Variants in CTNNB1 observed in about 807,000 individuals in gnomAD.
CTNNB1 encodes the protein catenin beta-1.
Under a neutral mutation model 82.5 loss-of-function variants are expected in CTNNB1, and 6 were observed. The ratio of observed to expected loss-of-function variants is 0.07; its 90% CI spans 0.04 to 0.14. The LOEUF (loss-of-function observed/expected upper bound fraction) is 0.14. Ranked by LOEUF, CTNNB1 falls within the 10% of genes least tolerant of loss-of-function variation. The pLI, the probability that CTNNB1 is intolerant of heterozygous loss-of-function variation, is 1.00. For missense variants in CTNNB1, 529 were observed against 980.4 expected, an observed-to-expected ratio of 0.54 and a Z score of 6.15; for synonymous variants, 312 against 329.7, an observed-to-expected ratio of 0.95 and a Z score of 0.58.
At chr3:41,207,212 C>A (rs2077669393) in intron 1 of CTNNB1, among the ~76,000 whole-genome samples, 1 of 152,018 alleles carries the variant, frequency 6.6e-6, no homozygotes, top group African/African-American at 2.4e-5. Flanking sequence ...GCCAGAAGAT[C>A]AGGGGTCACC....
chr3:41,222,818 A>C (rs895305874), intron 1 of CTNNB1, among the ~76,000 whole-genome samples: 4 of 152,366 alleles, frequency 2.6e-5, no homozygotes, highest in African/African-American at 9.6e-5. Context: ...GGAGAAGCTC[A>C]GTGTAGAACA....
chr3:41,227,619 A>T (rs1346867560), intron 7 of CTNNB1, among the ~76,000 whole-genome samples: 2 of 152,176 alleles, frequency 1.3e-5, no homozygotes, highest in East Asian at 3.8e-4. Context: ...GTTTTGAGTA[A>T]ACCTAAGATT....
chr3:41,202,733 T>G (rs915027652), intron 1 of CTNNB1, among the ~76,000 whole-genome samples: 2 of 152,192 alleles, frequency 1.3e-5, no homozygotes, highest in African/African-American at 4.8e-5. Context: ...AATACTCAGG[T>G]TTCACAAAAG....
Position 41,225,091 on chromosome 3 carries a change from G to A in CTNNB1, c.379G>A (p.Glu127Lys), listed in dbSNP as rs2125620518. 6.2e-7 allele frequency: 1 copy of A among 1,614,102 alleles called. No homozygotes were observed. Among genetic ancestry groups the A allele is most frequent in the Non-Finnish European group, 8.5e-7 (1 of 1,179,992 alleles). ...AHPTNVQRLAEPSQMLKHAVV... is the reference protein window; with the variant it reads ...AHPTNVQRLAKPSQMLKHAVV... ...TCCCACTAATGTCCAGCGTTTGGCT[G>A]AACCATCACAGATGCTGAAACATGC... Residue 127 changes from glutamate (E) to lysine (K), a missense_variant, in exon 4 of 15, where the codon GAA (glutamate) becomes AAA (lysine). This residue lies in a region of CTNNB1 where 411 missense variants were observed against 776.4 expected (regional missense o/e 0.53). Coordinates refer to ENST00000349496, the MANE Select transcript of CTNNB1 (RefSeq NM_001904.4). The surrounding 1 kb of genome is among the most constrained non-coding windows in gnomAD (Gnocchi z 5.3).
chr3:41,202,004 A>G (rs577673163), intron 1 of CTNNB1, among the ~76,000 whole-genome samples: 1 of 152,302 alleles, frequency 6.6e-6, no homozygotes, highest in African/African-American at 2.4e-5. Flanking sequence ...AAACTATTGC[A>G]GATACTCGTT....
At chr3:41,214,597 C>T (rs1474175856) in intron 1 of CTNNB1, among the ~76,000 whole-genome samples, 1 of 152,044 alleles carries the variant, frequency 6.6e-6, no homozygotes, top group Non-Finnish European at 1.5e-5. Flanking sequence ...CATATTAACC[C>T]ACTTAAAAAC....
chr3:41,227,173 C>G (rs774897540), intron 6 of CTNNB1, 35 bp from the exon 7 acceptor site: 5 of 1,564,522 alleles, frequency 3.2e-6, no homozygotes, highest in South Asian at 1.1e-5. Context: ...ATCAAGATTC[C>G]TTGACTAACA....
chr3:41,204,093 G>GT (rs796356811), intron 1 of CTNNB1, among the ~76,000 whole-genome samples: 3,756 of 143,480 alleles, frequency 0.026, 65 homozygotes, highest in Non-Finnish European at 0.034. Flanking sequence ...TATAGTTAGG[G>GT]TTTTTTTTTT....
intron 1 of CTNNB1, among the ~76,000 whole-genome samples, chr3:41,202,275 A>AGTAGGTGGT (rs1287398043): frequency 2.0e-5 from 3 of 152,118 alleles, no homozygotes; most frequent in Non-Finnish European, 4.4e-5. Context: ...ATTGTAGATG[A>AGTAGGTGGT]GTAGGTGGTA....
At chr3:41,211,429 T>G (rs1335087957) in intron 1 of CTNNB1, among the ~76,000 whole-genome samples, 1 of 152,206 alleles carries the variant, frequency 6.6e-6, no homozygotes, top group African/African-American at 2.4e-5. Context: ...TGTGCAGGTT[T>G]GTTAGAAAGA....
intron 14 of CTNNB1, among the ~76,000 whole-genome samples, chr3:41,238,631 G>A (rs1264534768): frequency 6.6e-6 from 1 of 152,286 alleles, no homozygotes; most frequent in African/African-American, 2.4e-5. Context: ...GAAATAACAT[G>A]TCAACCCTAA....
chr3:41,202,383 C>G (rs537168394), intron 1 of CTNNB1, among the ~76,000 whole-genome samples: 1 of 152,300 alleles, frequency 6.6e-6, no homozygotes, highest in South Asian at 2.1e-4. Context: ...AAACTTCTAA[C>G]AAAAGGTATT....
At chr3:41,217,337 TA>T (rs1040423015) in intron 1 of CTNNB1, among the ~76,000 whole-genome samples, 19 of 152,236 alleles carry the variant, frequency 1.2e-4, no homozygotes, top group African/African-American at 4.3e-4. Context: ...AATTTTCTTT[TA>T]AATTGCTTAA....
intron 1 of CTNNB1, among the ~76,000 whole-genome samples, chr3:41,223,038 T>C (rs765077900): frequency 2.0e-5 from 3 of 152,086 alleles, no homozygotes; most frequent in Non-Finnish European, 4.4e-5. Flanking sequence ...ACCTCTGCAC[T>C]CCAGCCTGGT....
At chr3:41,215,533 C>CT (rs915431336) in intron 1 of CTNNB1, among the ~76,000 whole-genome samples, 15 of 151,972 alleles carry the variant, frequency 9.9e-5, no homozygotes, top group African/African-American at 3.6e-4. Context: ...TATTTAAGAG[C>CT]TTAATATATG....
chr3:41,209,767 G>T (rs907258560), intron 1 of CTNNB1, among the ~76,000 whole-genome samples: 2 of 152,096 alleles, frequency 1.3e-5, no homozygotes, highest in Non-Finnish European at 2.9e-5. Context: ...AAAAAATATG[G>T]TATCAAAAAT....
chr3:41,202,079 A>G (rs1055879902), intron 1 of CTNNB1, among the ~76,000 whole-genome samples: 19 of 152,228 alleles, frequency 1.2e-4, no homozygotes, highest in Admixed American at 9.2e-4. Flanking sequence ...GATGTAGAGA[A>G]TTAAAAGTTT....
In CTNNB1 at chr3:41,224,092, T is replaced by C. The variant is rs374922164; in HGVS notation, c.13+11T>C. 1 of 1,613,648 alleles carries C rather than the reference T, an allele frequency of 6.2e-7. No individual in the cohort carries two copies. Among genetic ancestry groups the C allele is most frequent in the African/African-American group, 1.3e-5 (1 of 74,898 alleles). ...CAATGGCTACTCAAGGTTTGTGTCA[T>C]TAAATCTTTAGTTACTGAATTGGGG... On this transcript the variant is annotated intron_variant, in intron 2 of 14. Transcript: ENST00000349496.
intron 10 of CTNNB1, chr3:41,234,504 G>A (rs2078387099): frequency 1.5e-5 from 9 of 600,988 alleles, no homozygotes; most frequent in South Asian, 1.1e-4. Context: ...CCTTGGACAC[G>A]TCCTTCACAT....
Sources: gnomAD v4.1 joint callset for allele counts (sites outside exome capture counted in the v4.1 genomes callset) on GRCh38, gnomAD v4.1.1 for gene constraint, gnomAD v4.1.1 regional missense constraint, Gnocchi (gnomAD v3.1) non-coding constraint, MANE v1.5 for transcripts, NCBI Gene and HGNC (gene_info 2026-07-23, HGNC 2026-07-21) for gene names.